The following NKAIN3 variants were observed in gnomAD, a reference collection of about 807,000 sequenced individuals.
The protein encoded by NKAIN3 is sodium/potassium transporting ATPase interacting 3, also known as sodium/potassium-transporting ATPase subunit beta-1-interacting protein 3.
A neutral mutation model predicts 30.2 loss-of-function variants in NKAIN3; 25 were observed. The observed-to-expected ratio is 0.83, with a 90% CI of 0.60 to 1.16. The LOEUF is 1.16. Among genes scored for constraint, NKAIN3 ranks in the 50% most tolerant of loss-of-function variants. The pLI is 0.00. For synonymous variants in NKAIN3, 91 were observed against 89.6 expected (o/e 1.02, Z -0.09); for missense variants, 225 against 254.1 (o/e 0.89, Z 0.78).
At chr8:62,847,505 G>A (rs1253883629) in intron 4 of NKAIN3, among the ~76,000 whole-genome samples, 3 of 152,058 alleles carry the variant, frequency 2.0e-5, no homozygotes, top group African/African-American at 7.2e-5. Context: ...CTCTGTTCAT[G>A]TTCTTTGCCC....
rs34666037 is a variant in NKAIN3, at chr8:62,345,258, T to TACAC, written c.54+96145_54+96148dup. On this transcript the variant is annotated intron_variant, in intron 1 of 6. Coordinates refer to ENST00000623646, the MANE Select transcript of NKAIN3 (RefSeq NM_001304533.3). ...AAATATGTACATGTGGGTATATATA[T>TACAC]ACACACACACACACACATATACACG... is the stretch of plus-strand genomic sequence containing the variant. Among the ~76,000 whole-genome samples the TACAC allele has an allele frequency of 5.9e-3, 837 of 142,774 alleles. 11 individuals are homozygous for TACAC. Among genetic ancestry groups the TACAC allele is most frequent in the African/African-American group, 0.013 (501 of 37,222 alleles). 93.7% of individuals were successfully genotyped at this position (142,774 alleles called of 152,430 possible). A position where few individuals can be genotyped will look rare whatever the true frequency, so the allele number is the denominator to read the frequency against.
At chr8:62,571,530 C>T (rs1224233375) in intron 1 of NKAIN3, among the ~76,000 whole-genome samples, 2 of 152,158 alleles carry the variant, frequency 1.3e-5, no homozygotes, top group Non-Finnish European at 2.9e-5. Context: ...CTTCTCACAA[C>T]TCCACTAGGC....
At chr8:62,352,522 G>A (rs1469771549) in intron 1 of NKAIN3, among the ~76,000 whole-genome samples, 6 of 152,186 alleles carry the variant, frequency 3.9e-5, no homozygotes, top group Non-Finnish European at 8.8e-5. Context: ...GCTCTGCAAT[G>A]CATGAGCCAG....
intron 6 of NKAIN3, among the ~76,000 whole-genome samples, chr8:62,960,826 TGCCTTGAG>T (rs1375544879): frequency 6.6e-6 from 1 of 152,110 alleles, no homozygotes; most frequent in Non-Finnish European, 1.5e-5. Flanking sequence ...GATTCCATTC[TGCCTTGAG>T]GGCAGTTACC....
chr8:62,586,148 G>A (rs1316821918), intron 2 of NKAIN3, among the ~76,000 whole-genome samples: 1 of 152,156 alleles, frequency 6.6e-6, no homozygotes, highest in Admixed American at 6.5e-5. Context: ...AAATGCTCAT[G>A]TGCAAAGGAC....
intron 3 of NKAIN3, among the ~76,000 whole-genome samples, chr8:62,644,522 C>A (rs918381598): frequency 4.6e-5 from 7 of 152,038 alleles, no homozygotes. Flanking sequence ...TCTATCTCTA[C>A]ACCTATATCC....
At chr8:62,684,305 T>G (rs1272306595) in intron 3 of NKAIN3, among the ~76,000 whole-genome samples, 1 of 152,230 alleles carries the variant, frequency 6.6e-6, no homozygotes. Flanking sequence ...GTCAATTTCC[T>G]CTTCTTATAG....
Position 62,470,927 on chromosome 8 carries a change from A to G in NKAIN3, c.55-108612A>G, listed in dbSNP as rs1806322003. On this transcript the variant is annotated intron_variant, in intron 1 of 6. Coordinates refer to ENST00000623646, the MANE Select transcript of NKAIN3 (RefSeq NM_001304533.3). Reference sequence around the variant, plus strand: ...GCATTGATAGCATCCCACTGAATGAATAAATCACATTTATGTAAACATTGT... The same window carrying G: ...GCATTGATAGCATCCCACTGAATGAGTAAATCACATTTATGTAAACATTGT... 2.0e-5 allele frequency among the ~76,000 whole-genome samples: 3 copies of G among 152,266 alleles called. No individual in the cohort carries two copies. In the South Asian group the frequency reaches 6.2e-4, roughly 32 times the overall value.
At chr8:62,899,827 G>A (rs2130835397) in intron 4 of NKAIN3, among the ~76,000 whole-genome samples, 1 of 152,170 alleles carries the variant, frequency 6.6e-6, no homozygotes, top group African/African-American at 2.4e-5. Context: ...TGCATTCCAT[G>A]CCTGTATCAA....
intron 3 of NKAIN3, among the ~76,000 whole-genome samples, chr8:62,645,121 G>C (rs1812421484): frequency 6.6e-6 from 1 of 152,106 alleles, no homozygotes; most frequent in African/African-American, 2.4e-5. Context: ...GAGCCAGCAG[G>C]GGAGGTGGAG....
At chr8:62,294,078 C>T (rs1056762109) in intron 1 of NKAIN3, among the ~76,000 whole-genome samples, 2 of 152,164 alleles carry the variant, frequency 1.3e-5, no homozygotes, top group African/African-American at 2.4e-5. Flanking sequence ...TTGCTAAGGC[C>T]ATTGGAAAAG....
intron 6 of NKAIN3, among the ~76,000 whole-genome samples, chr8:62,955,812 C>T (rs1284919416): frequency 6.6e-6 from 1 of 152,164 alleles, no homozygotes; most frequent in Non-Finnish European, 1.5e-5. Context: ...TTTAAGATCA[C>T]CTAAAAGGCT....
intron 4 of NKAIN3, among the ~76,000 whole-genome samples, chr8:62,869,983 G>C (rs1820547914): frequency 6.6e-6 from 1 of 151,618 alleles, no homozygotes; most frequent in African/African-American, 2.4e-5. Context: ...TGTTAGCCAA[G>C]ATGGTCTCGA....
Position 62,772,537 on chromosome 8 carries a change from G to A in NKAIN3, c.471+25408G>A, listed in dbSNP as rs1817051910. 2.0e-5 allele frequency among the ~76,000 whole-genome samples: 3 copies of A among 152,118 alleles called. No homozygotes were observed. In the South Asian group the frequency reaches 6.2e-4, roughly 32 times the overall value. ...TGGATAAAACTATTTTAACTGGGGA[G>A]AAATATCCCATTGTAGTTTTGATTT... On this transcript the variant is annotated intron_variant, in intron 4 of 6. Transcript: ENST00000623646.
intron 4 of NKAIN3, chr8:62,856,299 G>C (rs1820057378): frequency 6.4e-6 from 6 of 933,696 alleles, no homozygotes; most frequent in Non-Finnish European, 8.9e-6. Context: ...TAAATGCCCA[G>C]AGATCACTAT....
At chr8:62,446,769 T>TG (rs150250822) in intron 1 of NKAIN3, among the ~76,000 whole-genome samples, 18,451 of 152,046 alleles carry the variant, frequency 0.12, 1,339 homozygotes, top group Non-Finnish European at 0.17. Flanking sequence ...ATCTTCAAGG[T>TG]TGTAGAATGT....
chr8:62,252,667 C>T (rs779973168), intron 1 of NKAIN3, among the ~76,000 whole-genome samples: 4 of 152,074 alleles, frequency 2.6e-5, no homozygotes, highest in African/African-American at 7.2e-5. Flanking sequence ...CCATCAAAAA[C>T]GATGTGAAAT....
At chr8:62,513,636 A>C (rs554299157) in intron 1 of NKAIN3, among the ~76,000 whole-genome samples, 8 of 152,114 alleles carry the variant, frequency 5.3e-5, no homozygotes, top group African/African-American at 1.9e-4. Flanking sequence ...TGGGAGGCTG[A>C]AGTGGACAGA....
rs1010848677 is a variant in NKAIN3, at chr8:62,967,174, G to A, written c.*1767G>A. ...AAGCCACTATTCTGCAGATGAGGGGGCTGAAGCCTAAGGGATTTGGTGAAC... is the reference window on the plus strand; with the variant it reads ...AAGCCACTATTCTGCAGATGAGGGGACTGAAGCCTAAGGGATTTGGTGAAC... On this transcript the variant is annotated 3_prime_UTR_variant, in exon 7 of 7. Coordinates refer to ENST00000623646, the MANE Select transcript of NKAIN3 (RefSeq NM_001304533.3). Among the ~76,000 whole-genome samples, 6 of 152,176 alleles carry A rather than the reference G, an allele frequency of 3.9e-5. No homozygotes were observed. Among genetic ancestry groups the A allele is most frequent in the African/African-American group, 9.7e-5 (4 of 41,446 alleles).
Sources: gnomAD v4.1 joint callset for allele counts (sites outside exome capture counted in the v4.1 genomes callset) on GRCh38, gnomAD v4.1.1 for gene constraint, MANE v1.5 for transcripts, NCBI Gene and HGNC (gene_info 2026-07-23, HGNC 2026-07-21) for gene names.